NDC80: variants seen among roughly 807,000 people sequenced by gnomAD.
NDC80 encodes the protein kinetochore protein NDC80 homolog.
In NDC80, 69 loss-of-function variants were observed where a neutral mutation model predicts 89.3. The ratio of observed to expected loss-of-function variants is 0.77; its 90% CI spans 0.64 to 0.94. The LOEUF is 0.94. NDC80 is among the 40% of genes least tolerant of loss of function. The pLI, the probability that NDC80 is intolerant of heterozygous loss-of-function variation, is 0.00. For missense variants in NDC80, 593 were observed against 739.6 expected, an observed-to-expected ratio of 0.80 and a Z score of 2.30; for synonymous variants, 243 against 255.6, an observed-to-expected ratio of 0.95 and a Z score of 0.47.
At chr18:2,599,255 C>A in intron 12 of NDC80, 84 bp downstream of exon 12, 1 of 1,110,194 alleles carries the variant, frequency 9.0e-7, no homozygotes, top group East Asian at 2.7e-5. Flanking sequence ...TGTTCATAAC[C>A]CAGTACTAAA....
intron 11 of NDC80, among the ~76,000 whole-genome samples, chr18:2,596,919 T>G (rs896468810): frequency 6.6e-6 from 1 of 151,790 alleles, no homozygotes; most frequent in Non-Finnish European, 1.5e-5. Context: ...AGTAAACTAT[T>G]GCAAGGACAA....
At chr18:2,612,915 A>G (rs547825104) in intron 16 of NDC80, among the ~76,000 whole-genome samples, 33 of 152,380 alleles carry the variant, frequency 2.2e-4, no homozygotes, top group Non-Finnish European at 4.3e-4. Flanking sequence ...TCCAATAAAC[A>G]ATATTTGTTG....
chr18:2,577,616 G>A (rs567921969), intron 3 of NDC80, 130 bp from the exon 4 acceptor site: 1 of 981,298 alleles, frequency 1.0e-6, no homozygotes, highest in Admixed American at 2.5e-5. Context: ...CTTTAAATAA[G>A]AGAATTCTGT....
intron 10 of NDC80, among the ~76,000 whole-genome samples, chr18:2,590,367 T>C (rs961626596): frequency 6.6e-6 from 1 of 152,224 alleles, no homozygotes; most frequent in African/African-American, 2.4e-5. Context: ...ACAACAGAAA[T>C]GTATTATCGC....
In NDC80 at chr18:2,587,841, C is replaced by T. The variant is rs775864591; in HGVS notation, c.681C>T (p.Asp227=). Residue 227 remains aspartate, a synonymous_variant, in exon 8 of 17, where the codon GAC becomes GAT. Coordinates refer to ENST00000261597, the MANE Select transcript of NDC80 (RefSeq NM_006101.3). ...GCTTAACCCCATAGTTGTTTTTGGA[C>T]TACACCATAAAATGCTATGAGAGTT... ...DGIMHNKLFL[D]YTIKCYESFM... is the part of the protein sequence containing the mutation. 1.2e-6 allele frequency: 2 copies of T among 1,613,104 alleles called. No individual in the cohort carries two copies. The highest frequency in any genetic ancestry group is 1.1e-5 in the South Asian group (1 of 91,050).
At chr18:2,591,850 G>A (rs545378206) in intron 10 of NDC80, among the ~76,000 whole-genome samples, 3 of 151,616 alleles carry the variant, frequency 2.0e-5, no homozygotes, top group Non-Finnish European at 4.4e-5. Flanking sequence ...CGCCTCCCGG[G>A]TTCAAATAAT....
At chr18:2,614,666 C>T (rs2072774963) in intron 16 of NDC80, among the ~76,000 whole-genome samples, 3 of 146,902 alleles carry the variant, frequency 2.0e-5, no homozygotes, top group Admixed American at 6.8e-5. Context: ...ATAAATTTGG[C>T]AATCCGAAAA....
At chr18:2,590,693 G>A (rs1014058247) in intron 10 of NDC80, among the ~76,000 whole-genome samples, 1 of 152,098 alleles carries the variant, frequency 6.6e-6, no homozygotes, top group Non-Finnish European at 1.5e-5. Context: ...TCCCAAATAA[G>A]GTAATTTCAC....
At chr18:2,581,575 T>A (rs926672914) in intron 6 of NDC80, among the ~76,000 whole-genome samples, 1 of 152,136 alleles carries the variant, frequency 6.6e-6, no homozygotes, top group Non-Finnish European at 1.5e-5. Flanking sequence ...ACAAGAATCA[T>A]TTGAACCCAG....
intron 6 of NDC80, among the ~76,000 whole-genome samples, chr18:2,581,317 G>A (rs2072576956): frequency 6.6e-6 from 1 of 152,058 alleles, no homozygotes; most frequent in African/African-American, 2.4e-5. Context: ...AGAAAGAGAA[G>A]GCCTTCTTTT....
chr18:2,572,180 A>G (rs1206261834), intron 1 of NDC80, among the ~76,000 whole-genome samples: 3 of 152,244 alleles, frequency 2.0e-5, no homozygotes, highest in Non-Finnish European at 4.4e-5. Flanking sequence ...GCCAAAATCA[A>G]GAAGAGTCTA....
intron 15 of NDC80, 72 bp from the exon 16 acceptor site, chr18:2,610,687 G>A: frequency 1.1e-6 from 1 of 908,808 alleles, no homozygotes; most frequent in South Asian, 2.3e-5. Context: ...GTGGAAATGG[G>A]AAGTGAGCTA....
rs1317268538 is a variant in NDC80 at position 2,589,287 on chromosome 18, G to T, written c.847G>T (p.Glu283Ter). ...ATTGAATGAACAGATTGCAAGATTG[G>T]AACAAGAAAGAGAAAAAGAACCGGT... The part of the protein sequence containing the change: ...RALNEQIARL[E>*]QEREKEPNRL... Residue 283 changes from glutamate to a stop codon, truncating the protein, a stop_gained, in exon 9 of 17, where the codon GAA becomes TAA. Transcript: ENST00000261597. LOFTEE classifies it high-confidence loss of function. 6.2e-7 allele frequency: 1 copy of T among 1,613,252 alleles called. No homozygotes were observed. The highest frequency in any genetic ancestry group is 8.5e-7 in the Non-Finnish European group (1 of 1,179,460).
chr18:2,608,940 T>A, intron 15 of NDC80, 110 bp downstream of exon 15: 1 of 1,202,302 alleles, frequency 8.3e-7, no homozygotes, highest in East Asian at 2.7e-5. Context: ...TACAGCTATT[T>A]AGGATGGAAA....
At chr18:2,585,476 G>A (rs2072599103) in intron 7 of NDC80, among the ~76,000 whole-genome samples, 1 of 152,112 alleles carries the variant, frequency 6.6e-6, no homozygotes, top group African/African-American at 2.4e-5. Context: ...GTATTGAATA[G>A]CTCTTGTAAT....
At chr18:2,600,700 C>T (rs543798578) in intron 12 of NDC80, among the ~76,000 whole-genome samples, 1 of 151,826 alleles carries the variant, frequency 6.6e-6, no homozygotes, top group Non-Finnish European at 1.5e-5. Context: ...CTTCAAAAGA[C>T]CTACTTAAAA....
chr18:2,613,422 A>T (rs958267698), intron 16 of NDC80, among the ~76,000 whole-genome samples: 1 of 152,232 alleles, frequency 6.6e-6, no homozygotes, highest in Admixed American at 6.5e-5. Context: ...AGCACATTGT[A>T]GTATTGATGC....
chr18:2,573,196 T>G, intron 2 of NDC80, 110 bp downstream of exon 2: 1 of 856,790 alleles, frequency 1.2e-6, no homozygotes, highest in South Asian at 2.2e-5. Flanking sequence ...TTGGTGAATC[T>G]TGTCTGTTCC....
At position 2,614,163 on chromosome 18, in the gene NDC80, G is replaced by T. The variant is rs1209027100; in HGVS notation, c.1792-2274G>T. Among the ~76,000 whole-genome samples, 36 of 152,176 alleles carry T rather than the reference G, an allele frequency of 2.4e-4. 1 individual carries two copies. Among genetic ancestry groups the T allele is most frequent in the Admixed American group, 2.4e-3 (36 of 15,264 alleles). On this transcript the variant is annotated intron_variant, in intron 16 of 16. Transcript: ENST00000261597. The stretch of plus-strand genomic sequence containing the variant: ...TTTTAGAAAACAATTTGGTGGCTGG[G>T]CACAGTGGGTCATGCCTGTAATCCC...
Sources: gnomAD v4.1 joint callset for allele counts (sites outside exome capture counted in the v4.1 genomes callset) on GRCh38, gnomAD v4.1.1 for gene constraint, MANE v1.5 for transcripts, NCBI Gene and HGNC (gene_info 2026-07-23, HGNC 2026-07-21) for gene names.